The following EYA2 variants were observed in gnomAD, a reference collection of about 807,000 sequenced individuals.
EYA2 encodes EYA transcriptional coactivator and phosphatase 2, also known as protein phosphatase EYA2.
Under a neutral mutation model 69.2 loss-of-function variants are expected in EYA2, and 31 were observed. The ratio of observed to expected loss-of-function variants is 0.45; its 90% CI spans 0.34 to 0.60. The LOEUF is 0.60. Ranked by LOEUF, EYA2 falls within the 20% of genes least tolerant of loss-of-function variation. EYA2 has a pLI of 0.02. For synonymous variants in EYA2, 257 were observed against 279.4 expected, an observed-to-expected ratio of 0.92 and a Z score of 0.80; for missense variants, 622 against 701.2, an observed-to-expected ratio of 0.89 and a Z score of 1.28.
chr20:46,898,655 C>T (rs1156704824), intron 1 of EYA2, among the ~76,000 whole-genome samples: 1 of 152,178 alleles, frequency 6.6e-6, no homozygotes, highest in Non-Finnish European at 1.5e-5. Context: ...TGGTGTTTGA[C>T]TAACACCCTT....
In EYA2 at chr20:47,188,587, A is replaced by G; in HGVS notation, c.*454A>G. On this transcript the variant is annotated 3_prime_UTR_variant, in exon 16 of 16. Coordinates refer to ENST00000327619, the MANE Select transcript of EYA2 (RefSeq NM_005244.5). ...TGAACTGGTATGTGGGGTGGTTCAC[A>G]GTTCTAATGTAAGCACTCTATTCTC... The G allele has an allele frequency of 2.4e-6, 1 of 413,754 alleles. No homozygotes were observed. The highest frequency in any genetic ancestry group is 4.3e-6 in the Non-Finnish European group (1 of 233,694). 25.6% of individuals were successfully genotyped at this position (413,754 alleles called of 1,614,324 possible). A position where few individuals can be genotyped will look rare whatever the true frequency, so the allele number is the denominator to read the frequency against.
intron 15 of EYA2, among the ~76,000 whole-genome samples, chr20:47,183,830 G>C (rs2034584868): frequency 6.6e-6 from 1 of 152,162 alleles, no homozygotes; most frequent in African/African-American, 2.4e-5. Flanking sequence ...AGGGGGTTCT[G>C]GTGGCCACAT....
chr20:47,170,126 T>A (rs2034288804), intron 11 of EYA2, among the ~76,000 whole-genome samples: 1 of 151,488 alleles, frequency 6.6e-6, no homozygotes, highest in Non-Finnish European at 1.5e-5. Context: ...CAGGCTGGTC[T>A]CAAACTCCTA....
intron 1 of EYA2, among the ~76,000 whole-genome samples, chr20:46,958,745 A>T (rs1979293610): frequency 6.6e-6 from 1 of 152,086 alleles, no homozygotes; most frequent in African/African-American, 2.4e-5. Flanking sequence ...CTGTGTGTCC[A>T]TGTATTCTCA....
chr20:47,186,308 C>T (rs1177088507), intron 15 of EYA2, among the ~76,000 whole-genome samples: 1 of 151,476 alleles, frequency 6.6e-6, no homozygotes, highest in Non-Finnish European at 1.5e-5. Context: ...ATCTGGGATG[C>T]CCTTCCCTTC....
intron 2 of EYA2, 75 bp from the exon 3 acceptor site, chr20:47,001,353 T>C (rs77480828): frequency 1.4e-4 from 185 of 1,294,328 alleles, no homozygotes; most frequent in Non-Finnish European, 1.9e-4. Context: ...GCTTAAGTGG[T>C]GTCTGAAGTC....
intron 8 of EYA2, among the ~76,000 whole-genome samples, chr20:47,090,258 C>A (rs1278000029): frequency 2.4e-5 from 3 of 127,026 alleles, no homozygotes; most frequent in Non-Finnish European, 4.9e-5. Context: ...TGAATTGGAG[C>A]CTCTCTCTGG....
intron 6 of EYA2, 90 bp downstream of exon 6, chr20:47,072,342 C>A (rs2031345557): frequency 2.4e-6 from 3 of 1,269,826 alleles, no homozygotes; most frequent in Non-Finnish European, 3.4e-6. Context: ...ACGACACACA[C>A]AATCCCCATT....
chr20:46,967,265 G>C (rs890987642), intron 1 of EYA2, among the ~76,000 whole-genome samples: 3 of 152,240 alleles, frequency 2.0e-5, no homozygotes, highest in African/African-American at 7.2e-5. Flanking sequence ...GCCTCCCGAA[G>C]TGTTGGGATT....
intron 5 of EYA2, among the ~76,000 whole-genome samples, chr20:47,041,717 G>A (rs1186673066): frequency 2.0e-5 from 3 of 152,170 alleles, no homozygotes; most frequent in East Asian, 1.9e-4. Context: ...CATGACCACG[G>A]GAGGGGAGTT....
intron 1 of EYA2, among the ~76,000 whole-genome samples, chr20:46,928,006 GC>G (rs1196402177): frequency 6.6e-6 from 1 of 152,174 alleles, no homozygotes; most frequent in Non-Finnish European, 1.5e-5. Context: ...CATTTACTAT[GC>G]TGCAGACACT....
intron 10 of EYA2, among the ~76,000 whole-genome samples, chr20:47,162,768 T>C (rs139610055): frequency 0.014 from 2,190 of 151,850 alleles, 52 homozygotes; most frequent in African/African-American, 0.05. Flanking sequence ...ATGCACCCTC[T>C]TTGGCCTCCC....
At chr20:47,071,229 C>T (rs998927977) in intron 5 of EYA2, among the ~76,000 whole-genome samples, 1 of 152,086 alleles carries the variant, frequency 6.6e-6, no homozygotes, top group Non-Finnish European at 1.5e-5. Context: ...AGGTTGGTCT[C>T]GAGCTCCTGA....
intron 9 of EYA2, among the ~76,000 whole-genome samples, chr20:47,113,590 C>T (rs186703106): frequency 4.9e-4 from 75 of 152,312 alleles, no homozygotes; most frequent in Middle Eastern, 6.8e-3. Flanking sequence ...CATCCACACT[C>T]GGGGCTGTCT....
intron 9 of EYA2, among the ~76,000 whole-genome samples, chr20:47,142,300 T>G (rs150426673): frequency 4.8e-4 from 73 of 152,330 alleles, no homozygotes; most frequent in African/African-American, 1.5e-3. Flanking sequence ...ACCCCAAATA[T>G]GGGTGAACAG....
chr20:47,161,917 A>G (rs979183378), intron 10 of EYA2, among the ~76,000 whole-genome samples: 6 of 152,182 alleles, frequency 3.9e-5, no homozygotes, highest in Non-Finnish European at 5.9e-5. Context: ...CTGCCATTAC[A>G]AAGTCCCACA....
Position 46,926,578 on chromosome 20 carries a change from T to C in EYA2, c.-11+31591T>C, listed in dbSNP as rs573227306. ...CCCACTTTGGGGAGGGCCATGTACT[T>C]TACTGAGTCCACTGATTCAAATTCT... is the stretch of plus-strand genomic sequence containing the variant. On this transcript the variant is annotated intron_variant, in intron 1 of 15. Transcript: ENST00000327619. Among the ~76,000 whole-genome samples, 20 of 152,244 alleles carry C rather than the reference T, an allele frequency of 1.3e-4. No individual in the cohort carries two copies. The East Asian group carries it at 3.7e-3, about 28-fold the overall frequency.
intron 1 of EYA2, among the ~76,000 whole-genome samples, chr20:46,983,315 C>G (rs964063657): frequency 6.6e-6 from 1 of 152,074 alleles, no homozygotes; most frequent in Non-Finnish European, 1.5e-5. Flanking sequence ...AAGATGACAT[C>G]TCCTCCAAAA....
chr20:47,101,644 A>G (rs1320386281), intron 9 of EYA2, among the ~76,000 whole-genome samples: 1 of 152,236 alleles, frequency 6.6e-6, no homozygotes, highest in Non-Finnish European at 1.5e-5. Flanking sequence ...AAACAATTAA[A>G]TAGAAAACTG....
Sources: gnomAD v4.1 joint callset for allele counts (sites outside exome capture counted in the v4.1 genomes callset) on GRCh38, gnomAD v4.1.1 for gene constraint, MANE v1.5 for transcripts, NCBI Gene and HGNC (gene_info 2026-07-23, HGNC 2026-07-21) for gene names.